The following FAM222A variants were observed in gnomAD, a reference collection of about 807,000 sequenced individuals.
The protein encoded by FAM222A is protein FAM222A.
A neutral mutation model predicts 25.8 loss-of-function variants in FAM222A; 7 were observed. That is an observed-to-expected ratio of 0.27 (90% CI 0.15 to 0.51). The LOEUF (loss-of-function observed/expected upper bound fraction) is 0.51. Ranked by LOEUF, FAM222A falls within the 20% of genes least tolerant of loss-of-function variation. FAM222A has a pLI of 0.97. For missense variants in FAM222A, 573 were observed against 640.5 expected (o/e 0.89, Z 1.14); for synonymous variants, 294 against 298.8 (o/e 0.98, Z 0.17).
chr12:109,769,186 C>A lies in FAM222A; in HGVS notation c.1257C>A (p.Pro419=). 6.2e-7 allele frequency: 1 copy of A among 1,612,520 alleles called. No homozygotes were observed. Residue 419 remains proline (P), a synonymous_variant, in exon 3 of 3, where the codon CCC becomes CCA. Transcript: ENST00000538780. The part of the protein sequence containing the change: ...LEYLINDIRP[P]CIKEQMLGKG... ...ATCTCATCAACGACATCCGGCCGCC[C>A]TGCATCAAGGAGCAGATGCTGGGCA...
chr12:109,750,227 CTG>C (rs1272988507), intron 2 of FAM222A, among the ~76,000 whole-genome samples: 1 of 152,174 alleles, frequency 6.6e-6, no homozygotes, highest in Admixed American at 6.5e-5. Flanking sequence ...AGAATAGTAT[CTG>C]TTATTTTCCC....
intron 1 of FAM222A, among the ~76,000 whole-genome samples, chr12:109,727,708 G>C (rs559876583): frequency 1.1e-4 from 17 of 152,292 alleles, no homozygotes; most frequent in African/African-American, 3.6e-4. Context: ...TGTCTGTAGA[G>C]TTGCCCTTTG....
At chr12:109,748,868 T>A (rs1184203899) in intron 2 of FAM222A, among the ~76,000 whole-genome samples, 1 of 152,178 alleles carries the variant, frequency 6.6e-6, no homozygotes, top group Non-Finnish European at 1.5e-5. Flanking sequence ...AATTTGTGCT[T>A]TTATCTTTAT....
chr12:109,758,282 CTCCACT>C (rs1479702731), intron 2 of FAM222A, among the ~76,000 whole-genome samples: 4 of 152,194 alleles, frequency 2.6e-5, no homozygotes, highest in Non-Finnish European at 5.9e-5. Context: ...CGCTGCTACC[CTCCACT>C]GCCAGTTCCA....
At position 109,741,093 on chromosome 12, in the gene FAM222A, G is replaced by C. The variant is rs184329525; in HGVS notation, c.-46-3008G>C. ...CCAGAGAGGTTTTAAGGCCAAGGAG[G>C]GGGATTTGACCGTCTTGGTTGCAGA... is the stretch of plus-strand genomic sequence containing the variant. On this transcript the variant is annotated intron_variant, in intron 1 of 2. Transcript: ENST00000538780. Among the ~76,000 whole-genome samples the C allele has an allele frequency of 2.4e-4, 37 of 152,292 alleles. No individual in the cohort carries two copies. In the East Asian group the frequency reaches 6.9e-3, roughly 29 times the overall value.
At chr12:109,720,418 C>T (rs375323252) in intron 1 of FAM222A, among the ~76,000 whole-genome samples, 3 of 152,218 alleles carry the variant, frequency 2.0e-5, no homozygotes, top group African/African-American at 7.2e-5. Context: ...GCAGCTGCCT[C>T]ACAGAGTCCA....
At chr12:109,762,774 C>T (rs1888936067) in intron 2 of FAM222A, among the ~76,000 whole-genome samples, 1 of 152,168 alleles carries the variant, frequency 6.6e-6, no homozygotes, top group Non-Finnish European at 1.5e-5. Context: ...TGGGTGAGCT[C>T]AGGAAAGTCC....
chr12:109,716,442 T>C (rs1782110204), intron 1 of FAM222A, among the ~76,000 whole-genome samples: 1 of 152,222 alleles, frequency 6.6e-6, no homozygotes, highest in East Asian at 1.9e-4. Context: ...TTCCCTGCTC[T>C]TCTACCAAGC....
chr12:109,763,800 T>C (rs10850708), intron 2 of FAM222A, among the ~76,000 whole-genome samples: 25,607 of 152,108 alleles, frequency 0.17, 2,427 homozygotes, highest in East Asian at 0.31. Flanking sequence ...ATAAAAATCA[T>C]TGGAGTGAGT....
At chr12:109,759,454 T>C (rs1888827479) in intron 2 of FAM222A, among the ~76,000 whole-genome samples, 1 of 152,208 alleles carries the variant, frequency 6.6e-6, no homozygotes. Context: ...CCTCAGCTTC[T>C]GGAAGGCCCG....
At chr12:109,762,897 A>G (rs1888939588) in intron 2 of FAM222A, among the ~76,000 whole-genome samples, 1 of 152,262 alleles carries the variant, frequency 6.6e-6, no homozygotes, top group Admixed American at 6.5e-5. Flanking sequence ...CTGGAGGCTC[A>G]TGCCCCACCT....
intron 2 of FAM222A, among the ~76,000 whole-genome samples, chr12:109,759,387 C>T (rs771854098): frequency 2.0e-5 from 3 of 152,140 alleles, no homozygotes; most frequent in African/African-American, 4.8e-5. Flanking sequence ...CCAAGCTCCC[C>T]GCTGCTCCAT....
intron 1 of FAM222A, among the ~76,000 whole-genome samples, chr12:109,733,463 G>A (rs997480888): frequency 3.3e-5 from 5 of 151,314 alleles, no homozygotes; most frequent in South Asian, 2.1e-4. Flanking sequence ...GTGCAGTGGC[G>A]TGTGATCTCA....
At chr12:109,723,156 C>T (rs1252004645) in intron 1 of FAM222A, among the ~76,000 whole-genome samples, 1 of 152,104 alleles carries the variant, frequency 6.6e-6, no homozygotes, top group African/African-American at 2.4e-5. Flanking sequence ...GCATTTTGAG[C>T]CCGGGGTGGA....
Position 109,768,817 on chromosome 12 carries a change from GC to G in FAM222A, c.892del (p.Gln298SerfsTer44). ...LWPQKPPPPP[P>X]QPLRAYSGST... The stretch of plus-strand genomic sequence containing the variant: ...GGCCGCAGAAACCGCCCCCACCGCC[GC>G]CCCAGCCACTGCGTGCCTACAGTGG... On this transcript the variant is annotated frameshift_variant, in exon 3 of 3. Transcript: ENST00000538780. LOFTEE classifies it high-confidence loss of function. 1 of 1,573,560 alleles carries G rather than the reference GC, an allele frequency of 6.4e-7. No homozygotes were observed. Among genetic ancestry groups the G allele is most frequent in the Non-Finnish European group, 8.6e-7 (1 of 1,166,256 alleles).
At chr12:109,756,786 T>G (rs1348422545) in intron 2 of FAM222A, among the ~76,000 whole-genome samples, 1 of 152,226 alleles carries the variant, frequency 6.6e-6, no homozygotes, top group Admixed American at 6.5e-5. Flanking sequence ...ATATTCATAA[T>G]GGCTATATGG....
rs549400645 is a variant in FAM222A at position 109,745,717 on chromosome 12, G to A, written c.82+1489G>A. 2.2e-4 allele frequency among the ~76,000 whole-genome samples: 34 copies of A among 152,282 alleles called. No homozygotes were observed. The Middle Eastern group carries it at 0.02, about 91-fold the overall frequency. ...TACAAGGTCTAGCTATGTTGCCCAG[G>A]CTAGTCTCAAACTCCTGGCCTCATG... On this transcript the variant is annotated intron_variant, in intron 2 of 2. Transcript: ENST00000538780.
chr12:109,770,112 C>T lies in FAM222A; in HGVS notation c.*824C>T, dbSNP rs1889201362. The T allele has an allele frequency of 6.6e-6, 1 of 152,338 alleles. No individual in the cohort carries two copies. Among genetic ancestry groups the T allele is most frequent in the African/African-American group, 2.4e-5 (1 of 41,460 alleles). 9.4% of individuals were successfully genotyped at this position (152,338 alleles called of 1,614,324 possible). Reference sequence around the variant, plus strand: ...CGTCATTTTCCTGTTCGCACAAAGGCACCACAGGGGCTAACAGTGGGCCTG... The same window carrying T: ...CGTCATTTTCCTGTTCGCACAAAGGTACCACAGGGGCTAACAGTGGGCCTG... On this transcript the variant is annotated 3_prime_UTR_variant, in exon 3 of 3. Transcript: ENST00000538780.
At chr12:109,715,373 A>G (rs975734915) in intron 1 of FAM222A, among the ~76,000 whole-genome samples, 1 of 152,214 alleles carries the variant, frequency 6.6e-6, no homozygotes, top group African/African-American at 2.4e-5. Flanking sequence ...GCTAGACCTT[A>G]GAGCCCTCGT....
Sources: gnomAD v4.1 joint callset for allele counts (sites outside exome capture counted in the v4.1 genomes callset) on GRCh38, gnomAD v4.1.1 for gene constraint, MANE v1.5 for transcripts, NCBI Gene and HGNC (gene_info 2026-07-23, HGNC 2026-07-21) for gene names.